SIPA1L1: variants seen among roughly 807,000 people sequenced by gnomAD.
SIPA1L1 encodes signal-induced proliferation-associated 1-like protein 1.
Under a neutral mutation model 162.7 loss-of-function variants are expected in SIPA1L1, and 26 were observed. That is an observed-to-expected ratio of 0.16 (90% CI 0.12 to 0.22). SIPA1L1 has a LOEUF of 0.22. Ranked by LOEUF, SIPA1L1 falls within the 10% of genes least tolerant of loss-of-function variation. SIPA1L1 has a pLI of 1.00. For missense variants in SIPA1L1, 1,874 were observed against 2,241.0 expected (o/e 0.84, Z 3.31); for synonymous variants, 829 against 837.4 (o/e 0.99, Z 0.17).
At chr14:71,701,841 G>T (rs1035345875) in intron 14 of SIPA1L1, among the ~76,000 whole-genome samples, 1 of 152,086 alleles carries the variant, frequency 6.6e-6, no homozygotes, top group Non-Finnish European at 1.5e-5. Context: ...CAGTTTGAAC[G>T]TGGTTTCTAC....
At chr14:71,518,023 C>G (rs1310862401) in intron 3 of SIPA1L1, among the ~76,000 whole-genome samples, 1 of 152,142 alleles carries the variant, frequency 6.6e-6, no homozygotes, top group Non-Finnish European at 1.5e-5. Flanking sequence ...GTGGCTCACA[C>G]CTGTAATCCT....
intron 7 of SIPA1L1, among the ~76,000 whole-genome samples, chr14:71,646,046 C>T (rs1207073005): frequency 6.6e-6 from 1 of 152,180 alleles, no homozygotes; most frequent in Admixed American, 6.5e-5. Context: ...AAATGCAAAA[C>T]TTCTGAAGAA....
At chr14:71,509,879 C>T (rs572086637) in intron 2 of SIPA1L1, among the ~76,000 whole-genome samples, 34 of 152,248 alleles carry the variant, frequency 2.2e-4, no homozygotes, top group East Asian at 1.3e-3. Context: ...CAGGAACTTC[C>T]GTATCATGCC....
At chr14:71,342,776 C>G (rs1243899018) in intron 2 of SIPA1L1, among the ~76,000 whole-genome samples, 1 of 152,124 alleles carries the variant, frequency 6.6e-6, no homozygotes, top group Non-Finnish European at 1.5e-5. Flanking sequence ...ATTTCTCTTT[C>G]ATGTTTATAA....
chr14:71,675,361 C>A (rs1379915596), intron 12 of SIPA1L1, among the ~76,000 whole-genome samples: 1 of 120,578 alleles, frequency 8.3e-6, no homozygotes, highest in African/African-American at 2.8e-5. Flanking sequence ...ACTACAGTTT[C>A]CATCTGAAAA....
chr14:71,320,938 A>G (rs1320734757), intron 1 of SIPA1L1, among the ~76,000 whole-genome samples, 184 bp from the exon 2 acceptor site: 1 of 151,224 alleles, frequency 6.6e-6, no homozygotes, highest in Admixed American at 6.6e-5. Context: ...GCCCCCCGCC[A>G]GCCTGTATTC....
rs576399247 is a variant in SIPA1L1 at position 71,649,189 on chromosome 14, ATTT to A, written c.1819-1127_1819-1125del. Among the ~76,000 whole-genome samples the A allele has an allele frequency of 1.5e-3, 199 of 131,104 alleles. 1 individual carries two copies. The highest frequency in any genetic ancestry group is 2.6e-3 in the Non-Finnish European group (161 of 61,322). 86.0% of individuals were successfully genotyped at this position (131,104 alleles called of 152,430 possible). The stretch of plus-strand genomic sequence containing the variant: ...ATGTCATTGGAGAATTCAAAGTCCA[ATTT>A]TTTTTTTTTTTTTTTTTTGAGACAG... On this transcript the variant is annotated intron_variant, in intron 7 of 23. Transcript: ENST00000381232.
intron 2 of SIPA1L1, among the ~76,000 whole-genome samples, chr14:71,501,813 C>T (rs2050239558): frequency 1.3e-5 from 2 of 152,030 alleles, no homozygotes. Context: ...GCTTGATTTC[C>T]AGGAGTTTGA....
intron 4 of SIPA1L1, among the ~76,000 whole-genome samples, chr14:71,567,429 T>C (rs914597913): frequency 6.6e-6 from 1 of 152,044 alleles, no homozygotes; most frequent in African/African-American, 2.4e-5. Flanking sequence ...TAACTTTTTG[T>C]AGCAACGTGG....
chr14:71,347,213 G>A (rs1440688765), intron 2 of SIPA1L1, among the ~76,000 whole-genome samples: 1 of 151,620 alleles, frequency 6.6e-6, no homozygotes, highest in Non-Finnish European at 1.5e-5. Context: ...CACCTGCCTC[G>A]GTCTCCCAAA....
chr14:71,519,215 G>A (rs927338813), intron 3 of SIPA1L1, among the ~76,000 whole-genome samples: 11 of 152,010 alleles, frequency 7.2e-5, no homozygotes, highest in African/African-American at 1.5e-4. Flanking sequence ...AGGATCACTT[G>A]AGCCCAGGAG....
chr14:71,513,287 G>T (rs920456920), intron 3 of SIPA1L1, among the ~76,000 whole-genome samples: 1 of 152,144 alleles, frequency 6.6e-6, no homozygotes, highest in Non-Finnish European at 1.5e-5. Context: ...TGGACACTTG[G>T]TTGTTGTGGA....
At chr14:71,392,099 C>G (rs1440679680) in intron 2 of SIPA1L1, among the ~76,000 whole-genome samples, 1 of 152,168 alleles carries the variant, frequency 6.6e-6, no homozygotes, top group Non-Finnish European at 1.5e-5. Context: ...TCTCAACTCT[C>G]CAAGCAAGAG....
At chr14:71,636,981 G>A (rs1242356800) in intron 7 of SIPA1L1, among the ~76,000 whole-genome samples, 2 of 151,258 alleles carry the variant, frequency 1.3e-5, no homozygotes, top group Admixed American at 6.6e-5. Context: ...AACCCGGGAG[G>A]CAGGGGTCGC....
chr14:71,724,713 C>T lies in SIPA1L1; in HGVS notation c.4492C>T (p.Arg1498Cys), dbSNP rs765858688. Residue 1498 changes from arginine (R) to cysteine (C), a missense_variant, in exon 19 of 24, where the codon CGT becomes TGT. This residue lies in a region of SIPA1L1 where 936 missense variants were observed against 1,051.9 expected (regional missense o/e 0.89). Coordinates refer to ENST00000381232, the MANE Select transcript of SIPA1L1 (RefSeq NM_001386936.1). ...CAATGAAATAGCCCACACCAGGCTG[C>T]GTGCCTCAACCAGAGACCTCCGGGC... ...DGNEIAHTRL[R>C]ASTRDLRASP... 26 of 1,614,028 alleles carry T rather than the reference C, an allele frequency of 1.6e-5. No individual in the cohort carries two copies. The highest frequency in any genetic ancestry group is 2.7e-5 in the African/African-American group (2 of 74,908).
chr14:71,610,093 G>A (rs1327300314), intron 5 of SIPA1L1, among the ~76,000 whole-genome samples: 1 of 152,110 alleles, frequency 6.6e-6, no homozygotes, highest in Non-Finnish European at 1.5e-5. Flanking sequence ...TTAATATTCT[G>A]ATATGTCTGC....
chr14:71,691,211 G>A (rs756558414), intron 13 of SIPA1L1, among the ~76,000 whole-genome samples: 54 of 152,212 alleles, frequency 3.5e-4, no homozygotes, highest in Non-Finnish European at 6.9e-4. Context: ...TAATAAAAAT[G>A]GATATACTCC....
At chr14:71,509,148 C>T (rs894066470) in intron 2 of SIPA1L1, among the ~76,000 whole-genome samples, 5 of 152,164 alleles carry the variant, frequency 3.3e-5, no homozygotes, top group Non-Finnish European at 7.3e-5. Flanking sequence ...GGTTTGTCCT[C>T]GTGCTGTTTC....
intron 2 of SIPA1L1, among the ~76,000 whole-genome samples, chr14:71,480,837 C>T (rs2048302658): frequency 6.6e-6 from 1 of 152,074 alleles, no homozygotes; most frequent in Admixed American, 6.6e-5. Context: ...GTGTAAAATA[C>T]AAGAACAAAC....
Sources: allele counts gnomAD v4.1 joint callset (sites outside exome capture counted in the v4.1 genomes callset), GRCh38; gene constraint gnomAD v4.1.1; regional missense constraint gnomAD v4.1.1; transcripts MANE v1.5; gene names NCBI Gene and HGNC (gene_info 2026-07-23, HGNC 2026-07-21).